ENTHD1: variants seen among roughly 807,000 people sequenced by gnomAD.
ENTHD1 encodes ENTH domain-containing protein 1.
In ENTHD1, 23 loss-of-function variants were observed where a neutral mutation model predicts 39.1. The ratio of observed to expected loss-of-function variants is 0.59; its 90% CI spans 0.42 to 0.83. ENTHD1 has a LOEUF of 0.83. ENTHD1 is among the 40% of genes least tolerant of loss of function. The pLI, the probability that ENTHD1 is intolerant of heterozygous loss-of-function variation, is 0.00. For synonymous variants in ENTHD1, 230 were observed against 258.2 expected (o/e 0.89, Z 1.05); for missense variants, 624 against 705.4 (o/e 0.88, Z 1.31).
intron 6 of ENTHD1, among the ~76,000 whole-genome samples, chr22:39,756,196 A>G (rs2065182719): frequency 6.6e-6 from 1 of 152,092 alleles, no homozygotes; most frequent in South Asian, 2.1e-4. Flanking sequence ...ACCAATTCTG[A>G]AATAATTTGG....
intron 5 of ENTHD1, among the ~76,000 whole-genome samples, chr22:39,768,218 T>C (rs566627132): frequency 4.5e-4 from 69 of 152,324 alleles, no homozygotes; most frequent in African/African-American, 1.6e-3. Flanking sequence ...TTATAGTTTA[T>C]ATTTGAAAAT....
chr22:39,889,196 G>A (rs1342512414), intron 1 of ENTHD1, among the ~76,000 whole-genome samples: 1 of 152,182 alleles, frequency 6.6e-6, no homozygotes, highest in Non-Finnish European at 1.5e-5. Flanking sequence ...ATTAAACAGT[G>A]TCAACAGTAA....
At chr22:39,879,129 C>G (rs1048153016) in intron 2 of ENTHD1, among the ~76,000 whole-genome samples, 18 of 151,900 alleles carry the variant, frequency 1.2e-4, no homozygotes, top group African/African-American at 4.4e-4. Context: ...AACAACCTGA[C>G]TTAAGAAAGG....
intron 3 of ENTHD1, among the ~76,000 whole-genome samples, chr22:39,852,587 T>C (rs190992137): frequency 1.3e-5 from 2 of 152,342 alleles, no homozygotes; most frequent in Admixed American, 6.5e-5. Context: ...TGGTAGAGCT[T>C]ACTATACACC....
chr22:39,884,302 C>T (rs566796279), intron 2 of ENTHD1, among the ~76,000 whole-genome samples: 127 of 151,990 alleles, frequency 8.4e-4, no homozygotes, highest in African/African-American at 3.0e-3. Context: ...CCTCAGCCTC[C>T]CGGGTAGCTG....
At chr22:39,762,606 C>A (rs1389879045) in intron 6 of ENTHD1, among the ~76,000 whole-genome samples, 1 of 151,936 alleles carries the variant, frequency 6.6e-6, no homozygotes, top group Non-Finnish European at 1.5e-5. Flanking sequence ...CACATGCTAC[C>A]ACATCTGGCT....
Position 39,745,768 on chromosome 22 carries a change from G to A in ENTHD1, c.1220-1485C>T, listed in dbSNP as rs141857975. 3.9e-3 allele frequency among the ~76,000 whole-genome samples: 591 copies of A among 152,314 alleles called. 23 individuals carry two copies. The East Asian group carries it at 0.081, about 21-fold the overall frequency. On this transcript the variant is annotated intron_variant, in intron 6 of 6. Coordinates refer to ENST00000325157, the MANE Select transcript of ENTHD1 (RefSeq NM_152512.4). The stretch of plus-strand genomic sequence containing the variant: ...AGAACCTGCATGTCTGAAAATGTCT[G>A]TACTCTGCTTTTAGGCTTAATGATC...
Position 39,821,090 on chromosome 22 carries a change from A to G in ENTHD1, c.735T>C (p.Asp245=), listed in dbSNP as rs2065779518. The change falls in exon 5 of 7, where the codon GAT becomes GAC. Residue 245 remains aspartate, a synonymous_variant. Transcript: ENST00000325157. ...TTGCTAGTAAAGGCAGCTCTGGATCATCATCCAAAAATGTCATCAGGTCCT... is the reference window on the plus strand; with the variant it reads ...TTGCTAGTAAAGGCAGCTCTGGATCGTCATCCAAAAATGTCATCAGGTCCT... ...STEDLMTFLD[D]DPELPLLATP... 1 of 1,613,998 alleles carries G rather than the reference A, an allele frequency of 6.2e-7. No homozygotes were observed.
At chr22:39,846,955 A>G (rs1014462549) in intron 3 of ENTHD1, among the ~76,000 whole-genome samples, 1 of 152,104 alleles carries the variant, frequency 6.6e-6, no homozygotes, top group Non-Finnish European at 1.5e-5. Context: ...GGGACTGTAA[A>G]CTAGTTCAAC....
At chr22:39,873,115 C>T (rs986256001) in intron 2 of ENTHD1, among the ~76,000 whole-genome samples, 1 of 151,976 alleles carries the variant, frequency 6.6e-6, no homozygotes, top group African/African-American at 2.4e-5. Flanking sequence ...CTCAGCCTAA[C>T]ATAACTTTTA....
intron 4 of ENTHD1, among the ~76,000 whole-genome samples, chr22:39,835,552 T>C (rs2146676135): frequency 6.6e-6 from 1 of 152,240 alleles, no homozygotes; most frequent in Admixed American, 6.5e-5. Flanking sequence ...CTTATTAATA[T>C]TTAAAGCCTT....
rs529631515 is a variant in ENTHD1, at chr22:39,855,990, G to A, written c.592+5775C>T. On this transcript the variant is annotated intron_variant, in intron 3 of 6. Coordinates refer to ENST00000325157, the MANE Select transcript of ENTHD1 (RefSeq NM_152512.4). ...CTGTCCCATTAAGAATGTCCCCCTC[G>A]TGGCCGGGCGCGGTGGCTCAACGCC... Among the ~76,000 whole-genome samples, 564 of 152,044 alleles carry A rather than the reference G, an allele frequency of 3.7e-3. 5 individuals carry two copies. The highest frequency in any genetic ancestry group is 0.014 in the Middle Eastern group (4 of 294).
chr22:39,789,272 T>C (rs182089827), intron 5 of ENTHD1, among the ~76,000 whole-genome samples: 31 of 152,316 alleles, frequency 2.0e-4, no homozygotes, highest in Admixed American at 6.5e-4. Flanking sequence ...CCATTTTAAA[T>C]ACATAGGCCC....
At chr22:39,761,293 A>T (rs1373029262) in intron 6 of ENTHD1, among the ~76,000 whole-genome samples, 1 of 152,170 alleles carries the variant, frequency 6.6e-6, no homozygotes, top group Non-Finnish European at 1.5e-5. Context: ...TATGATGAAA[A>T]ATCAGGTGTC....
In ENTHD1 at chr22:39,892,449, A is replaced by G. The variant is rs1294352534; in HGVS notation, c.-156+1246T>C. On this transcript the variant is annotated intron_variant, in intron 1 of 6. Transcript: ENST00000325157. The stretch of plus-strand genomic sequence containing the variant: ...GTGCCATGTCTATACCATATATTAC[A>G]TGATACCCACAGTAAGGTGTGGAGC... 4.6e-5 allele frequency among the ~76,000 whole-genome samples: 7 copies of G among 152,248 alleles called. No homozygotes were observed. In the South Asian group the frequency reaches 1.2e-3, roughly 27 times the overall value.
At chr22:39,789,353 A>AT (rs1435578595) in intron 5 of ENTHD1, among the ~76,000 whole-genome samples, 1 of 151,682 alleles carries the variant, frequency 6.6e-6, no homozygotes, top group Non-Finnish European at 1.5e-5. Flanking sequence ...TCTCAATTGA[A>AT]TTTTTTTTCT....
chr22:39,744,626 G>A (rs986494507), intron 6 of ENTHD1, among the ~76,000 whole-genome samples: 6 of 152,128 alleles, frequency 3.9e-5, no homozygotes, highest in African/African-American at 1.2e-4. Flanking sequence ...TCTACTGACT[G>A]CCAGCATTTT....
At chr22:39,765,694 G>C in intron 5 of ENTHD1, 85 bp from the exon 6 acceptor site, 1 of 1,298,084 alleles carries the variant, frequency 7.7e-7, no homozygotes, top group Non-Finnish European at 1.0e-6. Context: ...TAATAAATAG[G>C]ATTTTTTAAT....
At chr22:39,744,430 A>C in intron 6 of ENTHD1, 147 bp from the exon 7 acceptor site, 1 of 701,430 alleles carries the variant, frequency 1.4e-6, no homozygotes, top group South Asian at 3.2e-5. Flanking sequence ...ATTCATAATA[A>C]GCTTAAAAAA....
Sources: gnomAD v4.1 joint callset for allele counts (sites outside exome capture counted in the v4.1 genomes callset) on GRCh38, gnomAD v4.1.1 for gene constraint, MANE v1.5 for transcripts, NCBI Gene and HGNC (gene_info 2026-07-23, HGNC 2026-07-21) for gene names.